RPS6KA2: variants seen among roughly 807,000 people sequenced by gnomAD.
RPS6KA2 encodes the protein ribosomal protein S6 kinase alpha-2.
Under a neutral mutation model 91.8 loss-of-function variants are expected in RPS6KA2, and 42 were observed. That is an observed-to-expected ratio of 0.46 (90% CI 0.36 to 0.59). The LOEUF is 0.59. Ranked by LOEUF, RPS6KA2 falls within the 20% of genes least tolerant of loss-of-function variation. The probability of loss-of-function intolerance (pLI) is 0.00; values close to 1 mark genes in which losing one functional copy is unlikely to be tolerated. For synonymous variants in RPS6KA2, 414 were observed against 393.6 expected, an observed-to-expected ratio of 1.05 and a Z score of -0.61; for missense variants, 798 against 978.5, an observed-to-expected ratio of 0.82 and a Z score of 2.46.
intron 2 of RPS6KA2, among the ~76,000 whole-genome samples, chr6:166,660,393 C>CAT (rs1554244390): frequency 2.2e-3 from 325 of 144,772 alleles, no homozygotes; most frequent in African/African-American, 8.0e-3. Flanking sequence ...TATGGGCATG[C>CAT]GTGCGTGTGT....
At chr6:166,415,026 T>C (rs1289946083) in intron 19 of RPS6KA2, among the ~76,000 whole-genome samples, 1 of 152,124 alleles carries the variant, frequency 6.6e-6, no homozygotes, top group African/African-American at 2.4e-5. Context: ...GATTGCACCA[T>C]TGCACTCCAG....
At chr6:166,784,443 C>A (rs1778870061) in intron 2 of RPS6KA2, among the ~76,000 whole-genome samples, 1 of 7,612 alleles carries the variant, frequency 1.3e-4, no homozygotes, top group Non-Finnish European at 2.5e-4. Context: ...CACACGTGCA[C>A]ACCTATGCAG....
chr6:166,715,527 C>T (rs1789983616), intron 2 of RPS6KA2, among the ~76,000 whole-genome samples: 1 of 152,212 alleles, frequency 6.6e-6, no homozygotes, highest in African/African-American at 2.4e-5. Flanking sequence ...AAAAATCCAA[C>T]AACAGATGCA....
intron 11 of RPS6KA2, among the ~76,000 whole-genome samples, chr6:166,467,703 G>A (rs369337579): frequency 5.3e-5 from 8 of 152,328 alleles, no homozygotes; most frequent in African/African-American, 1.7e-4. Flanking sequence ...GACCACTTTC[G>A]TGTGCTTCTC....
At chr6:166,714,767 C>G (rs894568536) in intron 2 of RPS6KA2, among the ~76,000 whole-genome samples, 2 of 152,256 alleles carry the variant, frequency 1.3e-5, no homozygotes, top group African/African-American at 4.8e-5. Flanking sequence ...CTTCCAGCCT[C>G]TGGATGGGAG....
intron 1 of RPS6KA2, among the ~76,000 whole-genome samples, chr6:166,547,819 A>C (rs1454125736): frequency 2.0e-5 from 3 of 152,194 alleles, no homozygotes; most frequent in Non-Finnish European, 2.9e-5. Context: ...GTGGAAACGC[A>C]CCTGCCCTAT....
At chr6:166,716,057 A>AT (rs60766311) in intron 2 of RPS6KA2, among the ~76,000 whole-genome samples, 1 of 73,884 alleles carries the variant, frequency 1.4e-5, no homozygotes, top group Non-Finnish European at 2.4e-5. Context: ...AAAAAAAAAA[A>AT]AAAAGAAGGA....
rs1343115611 is a variant in RPS6KA2, at chr6:166,784,258, C to T, written c.123+73942G>A. ...CCACATATGCACACGTGCACACCTA[C>T]GCATAACCACATATGCACACGTGCA... is the stretch of plus-strand genomic sequence containing the variant. On this transcript the variant is annotated intron_variant, in intron 2 of 21. Transcript: ENST00000503859. Among the ~76,000 whole-genome samples, 7 of 2,632 alleles carry T rather than the reference C, an allele frequency of 2.7e-3. 3 individuals are homozygous for T. In the Non-Finnish European group the frequency reaches 0.068, roughly 26 times the overall value. The allele number at this position is 2,632 out of a possible 152,430, so 1.7% of individuals were successfully genotyped here.
chr6:166,592,212 A>C (rs6907098), intron 1 of RPS6KA2, among the ~76,000 whole-genome samples: 1 of 152,086 alleles, frequency 6.6e-6, no homozygotes, highest in African/African-American at 2.4e-5. Context: ...AGGGTCATGG[A>C]GAAATCAACA....
At chr6:166,572,961 G>A (rs1784734562) in intron 1 of RPS6KA2, among the ~76,000 whole-genome samples, 1 of 152,250 alleles carries the variant, frequency 6.6e-6, no homozygotes, top group African/African-American at 2.4e-5. Flanking sequence ...TGCGTGGTCA[G>A]AGGGAGCGGA....
intron 14 of RPS6KA2, among the ~76,000 whole-genome samples, chr6:166,442,313 G>A (rs873089): frequency 0.014 from 2,095 of 152,266 alleles, 58 homozygotes; most frequent in East Asian, 0.098. Flanking sequence ...GGGGCTCCCC[G>A]CCTTATGACG....
rs551434977 is a variant in RPS6KA2 at position 166,856,351 on chromosome 6, C to T, written c.123+1849G>A. On this transcript the variant is annotated intron_variant, in intron 2 of 21. Transcript: ENST00000503859. Reference sequence around the variant, plus strand: ...CACCACGTGAGGACAAGGGTAAAGACGGCTGGCCATGAACCAGAAAGTGTG... The same window carrying T: ...CACCACGTGAGGACAAGGGTAAAGATGGCTGGCCATGAACCAGAAAGTGTG... Among the ~76,000 whole-genome samples, 8 of 152,278 alleles carry T rather than the reference C, an allele frequency of 5.3e-5. No individual in the cohort carries two copies. The East Asian group carries it at 7.7e-4, about 15-fold the overall frequency.
At chr6:166,588,832 G>A (rs983573528) in intron 1 of RPS6KA2, among the ~76,000 whole-genome samples, 4 of 152,114 alleles carry the variant, frequency 2.6e-5, no homozygotes, top group Admixed American at 6.5e-5. Context: ...ATGGCCCTCC[G>A]TGCTCACTGT....
rs558710268 is a variant in RPS6KA2, at chr6:166,666,679, C to T, written c.124-127895G>A. On this transcript the variant is annotated intron_variant, in intron 2 of 21. Transcript: ENST00000503859. The surrounding 1 kb of genome is among the most constrained non-coding windows in gnomAD (Gnocchi z 4.0). ...GTTTACTGTTGGTGGAAATGTAAAA[C>T]GGTGCAGGAGCTCTGGAAAACAGTA... Among the ~76,000 whole-genome samples, 6 of 152,152 alleles carry T rather than the reference C, an allele frequency of 3.9e-5. No homozygotes were observed. The highest frequency in any genetic ancestry group is 2.1e-4 in the South Asian group (1 of 4,828).
chr6:166,556,243 G>A (rs1784173873), intron 1 of RPS6KA2, among the ~76,000 whole-genome samples: 1 of 152,142 alleles, frequency 6.6e-6, no homozygotes, highest in African/African-American at 2.4e-5. Flanking sequence ...GGGGTTCTCT[G>A]CTCGGGTTCA....
At chr6:166,785,095 T>C (rs1034070778) in intron 2 of RPS6KA2, among the ~76,000 whole-genome samples, 3 of 152,254 alleles carry the variant, frequency 2.0e-5, no homozygotes, top group African/African-American at 7.2e-5. Flanking sequence ...CGTCTACCTA[T>C]CTGTCTGCAT....
At chr6:166,858,954 A>T (rs1780978917) in intron 1 of RPS6KA2, among the ~76,000 whole-genome samples, 1 of 113,082 alleles carries the variant, frequency 8.8e-6, no homozygotes, top group Non-Finnish European at 2.1e-5. Context: ...TGCAGCAGAC[A>T]CGGGAGAGCT....
chr6:166,716,832 G>C (rs753707830), intron 2 of RPS6KA2, among the ~76,000 whole-genome samples: 2 of 152,216 alleles, frequency 1.3e-5, no homozygotes, highest in Non-Finnish European at 2.9e-5. Context: ...ACTTTTCCAA[G>C]TGTAAAGCAT....
At position 166,417,184 on chromosome 6, in the gene RPS6KA2, A is replaced by G. The variant is rs1354479269; in HGVS notation, c.1938+1041T>C. 2.0e-5 allele frequency among the ~76,000 whole-genome samples: 3 copies of G among 152,224 alleles called. No individual in the cohort carries two copies. In the East Asian group the frequency reaches 5.8e-4, roughly 29 times the overall value. ...CAAGGCCAAATTCAAAGTATTTTAC[A>G]AGAACAGAAGTATACCTCTGGACAA... is the stretch of plus-strand genomic sequence containing the variant. On this transcript the variant is annotated intron_variant, in intron 19 of 20. Transcript: ENST00000265678.
Sources: allele counts gnomAD v4.1 joint callset (sites outside exome capture counted in the v4.1 genomes callset), GRCh38; gene constraint gnomAD v4.1.1; non-coding constraint Gnocchi (gnomAD v3.1); transcripts MANE v1.5; gene names NCBI Gene and HGNC (gene_info 2026-07-23, HGNC 2026-07-21).